Variants in NKAIN3 observed in about 807,000 individuals in gnomAD.
The protein encoded by NKAIN3 is sodium/potassium transporting ATPase interacting 3.
A neutral mutation model predicts 30.2 loss-of-function variants in NKAIN3; 25 were observed. That is an observed-to-expected ratio of 0.83 (90% CI 0.60 to 1.16). NKAIN3 has a LOEUF of 1.16. Among genes scored for constraint, NKAIN3 ranks in the 50% most tolerant of loss-of-function variants. The probability of loss-of-function intolerance (pLI) is 0.00; values close to 1 mark genes in which losing one functional copy is unlikely to be tolerated. For synonymous variants in NKAIN3, 91 were observed against 89.6 expected, an observed-to-expected ratio of 1.02 and a Z score of -0.09; for missense variants, 225 against 254.1, an observed-to-expected ratio of 0.89 and a Z score of 0.78.
intron 4 of NKAIN3, among the ~76,000 whole-genome samples, chr8:62,763,333 G>C (rs1816733924): frequency 6.7e-6 from 1 of 149,468 alleles, no homozygotes; most frequent in Non-Finnish European, 1.5e-5. Flanking sequence ...GGAAAACCTG[G>C]CTACTCCAGT....
intron 5 of NKAIN3, among the ~76,000 whole-genome samples, chr8:62,998,570 T>C (rs1269321146): frequency 2.0e-5 from 3 of 152,228 alleles, no homozygotes; most frequent in Admixed American, 6.5e-5. Flanking sequence ...TCACCGCTCC[T>C]GGCTGCTTTT....
intron 3 of NKAIN3, among the ~76,000 whole-genome samples, chr8:62,727,289 C>G (rs1349593169): frequency 2.6e-5 from 4 of 152,096 alleles, no homozygotes; most frequent in Non-Finnish European, 5.9e-5. Context: ...AGATCAGGAA[C>G]AAGGCAAGAA....
At chr8:62,417,694 G>A (rs1804492552) in intron 1 of NKAIN3, among the ~76,000 whole-genome samples, 1 of 152,068 alleles carries the variant, frequency 6.6e-6, no homozygotes, top group African/African-American at 2.4e-5. Flanking sequence ...TCTCATTGTA[G>A]TTTTGATTTA....
intron 3 of NKAIN3, among the ~76,000 whole-genome samples, chr8:62,676,078 A>G (rs1813466511): frequency 6.6e-6 from 1 of 152,234 alleles, no homozygotes; most frequent in Non-Finnish European, 1.5e-5. Context: ...TTTCTGCAGG[A>G]AGGATATTTC....
At chr8:62,385,384 C>T (rs749459758) in intron 1 of NKAIN3, among the ~76,000 whole-genome samples, 4 of 152,092 alleles carry the variant, frequency 2.6e-5, no homozygotes, top group African/African-American at 9.7e-5. Context: ...AACTGAAACT[C>T]GGAGAAATGA....
chr8:62,394,153 TTC>T (rs1277817583), intron 1 of NKAIN3, among the ~76,000 whole-genome samples: 1 of 152,220 alleles, frequency 6.6e-6, no homozygotes, highest in Non-Finnish European at 1.5e-5. Flanking sequence ...GGAGAAAACA[TTC>T]TGTTTTTCAT....
intron 3 of NKAIN3, among the ~76,000 whole-genome samples, chr8:62,668,808 C>T (rs1184733308): frequency 1.3e-5 from 2 of 152,026 alleles, no homozygotes; most frequent in African/African-American, 4.8e-5. Context: ...ATAGTAAATT[C>T]ATTCATTTTT....
At chr8:62,432,232 A>G (rs2129597592) in intron 1 of NKAIN3, among the ~76,000 whole-genome samples, 1 of 152,200 alleles carries the variant, frequency 6.6e-6, no homozygotes, top group East Asian at 1.9e-4. Flanking sequence ...TGAAATCATC[A>G]GAGACTAAAG....
At chr8:62,407,678 G>T (rs954227887) in intron 1 of NKAIN3, among the ~76,000 whole-genome samples, 3 of 152,118 alleles carry the variant, frequency 2.0e-5, no homozygotes, top group African/African-American at 4.8e-5. Flanking sequence ...TGATCCACCC[G>T]CCTCAGCCTC....
At chr8:62,745,089 T>C (rs1816025607) in intron 3 of NKAIN3, among the ~76,000 whole-genome samples, 1 of 152,192 alleles carries the variant, frequency 6.6e-6, no homozygotes, top group Non-Finnish European at 1.5e-5. Flanking sequence ...ACTGTCCTTT[T>C]CAGAGAGCTC....
intron 1 of NKAIN3, among the ~76,000 whole-genome samples, chr8:62,269,733 A>G (rs1362785407): frequency 1.3e-5 from 2 of 152,140 alleles, no homozygotes; most frequent in African/African-American, 4.8e-5. Context: ...ATGATACTCA[A>G]TTGTGAGTTA....
At chr8:62,268,415 T>TGTGATCTA (rs1812672169) in intron 1 of NKAIN3, among the ~76,000 whole-genome samples, 1 of 152,174 alleles carries the variant, frequency 6.6e-6, no homozygotes, top group African/African-American at 2.4e-5. Context: ...CTTAGTCCAG[T>TGTGATCTA]GTGATCTATC....
chr8:62,626,217 G>A (rs767634847), intron 3 of NKAIN3, among the ~76,000 whole-genome samples: 1 of 152,136 alleles, frequency 6.6e-6, no homozygotes, highest in East Asian at 1.9e-4. Flanking sequence ...ATCTCAGACA[G>A]GCCCTTCAGA....
intron 1 of NKAIN3, among the ~76,000 whole-genome samples, chr8:62,526,772 G>A (rs1477774519): frequency 5.9e-5 from 9 of 152,038 alleles, no homozygotes; most frequent in Admixed American, 5.9e-4. Context: ...GGTTAGTAAT[G>A]GGTGGAGCAC....
chr8:62,667,624 T>C (rs1480189), intron 3 of NKAIN3, among the ~76,000 whole-genome samples: 72,925 of 151,632 alleles, frequency 0.48, 20,585 homozygotes, highest in African/African-American at 0.79. Context: ...TCATTACTCA[T>C]CTGTTGCATT....
intron 3 of NKAIN3, among the ~76,000 whole-genome samples, chr8:62,642,073 C>T (rs1586040760): frequency 6.6e-6 from 1 of 151,840 alleles, no homozygotes; most frequent in Non-Finnish European, 1.5e-5. Context: ...GGGAAAAATG[C>T]TTTTTAAAAA....
intron 1 of NKAIN3, among the ~76,000 whole-genome samples, chr8:62,534,359 G>A (rs1808583273): frequency 6.6e-6 from 1 of 152,072 alleles, no homozygotes; most frequent in Non-Finnish European, 1.5e-5. Context: ...AATAGTACAG[G>A]TCACCCGCTG....
intron 4 of NKAIN3, among the ~76,000 whole-genome samples, chr8:62,813,992 G>C (rs931259479): frequency 1.3e-5 from 2 of 152,046 alleles, no homozygotes; most frequent in Admixed American, 6.6e-5. Flanking sequence ...TAAGGTTTCT[G>C]CTGAGAAATC....
At chr8:62,750,527 A>G (rs1236870083) in intron 4 of NKAIN3, among the ~76,000 whole-genome samples, 1 of 151,902 alleles carries the variant, frequency 6.6e-6, no homozygotes, top group Non-Finnish European at 1.5e-5. Context: ...CCCACTCTCC[A>G]CCGCCTGTGC....
Sources: gnomAD v4.1 joint callset for allele counts (sites outside exome capture counted in the v4.1 genomes callset) on GRCh38, gnomAD v4.1.1 for gene constraint, MANE v1.5 for transcripts, NCBI Gene and HGNC (gene_info 2026-07-23, HGNC 2026-07-21) for gene names.